Variants in MPPED2 observed in about 807,000 individuals in gnomAD.
MPPED2 encodes metallophosphoesterase MPPED2.
In MPPED2, 5 loss-of-function variants were observed where a neutral mutation model predicts 33.0. That is an observed-to-expected ratio of 0.15 (90% CI 0.08 to 0.32). The LOEUF is 0.32. MPPED2 is among the 10% of genes least tolerant of loss of function. MPPED2 has a pLI of 1.00. For synonymous variants in MPPED2, 136 were observed against 141.9 expected (o/e 0.96, Z 0.29); for missense variants, 275 against 372.1 (o/e 0.74, Z 2.15).
chr11:30,560,038 C>A (rs1956167956), intron 2 of MPPED2, among the ~76,000 whole-genome samples: 1 of 152,178 alleles, frequency 6.6e-6, no homozygotes, highest in Non-Finnish European at 1.5e-5. Context: ...GAACTCATAC[C>A]TTTGCTTTGA....
At chr11:30,446,083 C>T (rs1400594924) in intron 4 of MPPED2, among the ~76,000 whole-genome samples, 2 of 152,220 alleles carry the variant, frequency 1.3e-5, no homozygotes, top group East Asian at 1.9e-4. Flanking sequence ...CAGTATTTCA[C>T]TCACTTGGTT....
chr11:30,447,672 G>A (rs1565076670), intron 4 of MPPED2, among the ~76,000 whole-genome samples: 2 of 152,148 alleles, frequency 1.3e-5, no homozygotes, highest in East Asian at 3.9e-4. Flanking sequence ...AAAGAGAGTG[G>A]CACAGCAAAC....
intron 4 of MPPED2, among the ~76,000 whole-genome samples, chr11:30,448,026 T>G (rs188506427): frequency 1.3e-5 from 2 of 152,080 alleles, no homozygotes; most frequent in Non-Finnish European, 2.9e-5. Context: ...CTCTGAGATG[T>G]TTTCAGAGAG....
At chr11:30,551,066 A>G (rs1387900138) in intron 2 of MPPED2, among the ~76,000 whole-genome samples, 1 of 152,210 alleles carries the variant, frequency 6.6e-6, no homozygotes, top group Non-Finnish European at 1.5e-5. Flanking sequence ...TAAAAAGGGC[A>G]TTGTAATTAT....
At chr11:30,579,553 T>C (rs1244414304) in intron 2 of MPPED2, among the ~76,000 whole-genome samples, 1 of 152,186 alleles carries the variant, frequency 6.6e-6, no homozygotes, top group Non-Finnish European at 1.5e-5. Flanking sequence ...GCAAAATCCT[T>C]GCCTCTGGGT....
At chr11:30,552,465 G>A (rs1955762105) in intron 2 of MPPED2, among the ~76,000 whole-genome samples, 1 of 152,146 alleles carries the variant, frequency 6.6e-6, no homozygotes, top group Admixed American at 6.5e-5. Flanking sequence ...GCCTCCCAGA[G>A]ATAGCTACTA....
Position 30,495,276 on chromosome 11 carries a change from CT to C in MPPED2, c.536+19del. On this transcript the variant is annotated intron_variant, in intron 4 of 6. Coordinates refer to ENST00000358117, the MANE Select transcript of MPPED2 (RefSeq NM_001584.3). ...CTGAGCTAAAAAGCAATGTGGAAAA[CT>C]GTTTGAATCATCACTTACCAAGGTG... 6.4e-7 allele frequency: 1 copy of C among 1,557,008 alleles called. No homozygotes were observed. Among genetic ancestry groups the C allele is most frequent in the Non-Finnish European group, 8.9e-7 (1 of 1,128,280 alleles).
chr11:30,410,403 T>C lies in MPPED2; in HGVS notation c.*1065A>G. On this transcript the variant is annotated 3_prime_UTR_variant, in exon 7 of 7. Coordinates refer to ENST00000358117, the MANE Select transcript of MPPED2 (RefSeq NM_001584.3). ...GACTATTAGCGACAATATTTTGTGC[T>C]AGCGAAGATTGCATCGACACACAGT... 1 of 985,790 alleles carries C rather than the reference T, an allele frequency of 1.0e-6. No individual in the cohort carries two copies. The highest frequency in any genetic ancestry group is 1.2e-6 in the Non-Finnish European group (1 of 829,872). The allele number at this position is 985,790 out of a possible 1,614,324, so 61.1% of individuals were successfully genotyped here.
Position 30,417,560 on chromosome 11 carries a change from G to A in MPPED2, c.610C>T (p.Pro204Ser), listed in dbSNP as rs1171822368. 1 of 1,613,190 alleles carries A rather than the reference G, an allele frequency of 6.2e-7. No homozygotes were observed. Among genetic ancestry groups the A allele is most frequent in the Non-Finnish European group, 8.5e-7 (1 of 1,179,440 alleles). ...QSLLDKWNLI[P>S]EGIDILMTHG... The stretch of plus-strand genomic sequence containing the variant: ...GTCATGAGTATGTCAATGCCCTCAG[G>A]GATGAGGTTCCACTTGTCCAGCAGA... The change falls in exon 5 of 7, where the codon CCT becomes TCT. Residue 204 changes from proline to serine, a missense_variant. Physicochemically the swap from Pro to Ser is moderately conservative, Grantham distance 74. Coordinates refer to ENST00000358117, the MANE Select transcript of MPPED2 (RefSeq NM_001584.3).
chr11:30,554,829 C>A (rs1955890436), intron 2 of MPPED2, among the ~76,000 whole-genome samples: 1 of 152,114 alleles, frequency 6.6e-6, no homozygotes, highest in Non-Finnish European at 1.5e-5. Context: ...AAGATCCCCA[C>A]GTGTGTCTGT....
chr11:30,508,698 C>T (rs561649531), intron 3 of MPPED2, among the ~76,000 whole-genome samples: 1 of 152,172 alleles, frequency 6.6e-6, no homozygotes, highest in Non-Finnish European at 1.5e-5. Context: ...AACACTCACC[C>T]AACTTAACAT....
intron 4 of MPPED2, among the ~76,000 whole-genome samples, chr11:30,482,195 C>G (rs770694931): frequency 2.6e-5 from 4 of 152,096 alleles, no homozygotes; most frequent in Non-Finnish European, 4.4e-5. Flanking sequence ...AAGAGAAAAT[C>G]GCTGTTATAA....
intron 2 of MPPED2, among the ~76,000 whole-genome samples, chr11:30,564,798 G>A (rs146251313): frequency 6.6e-6 from 1 of 152,264 alleles, no homozygotes; most frequent in African/African-American, 2.4e-5. Context: ...ACCAAAATGA[G>A]GGAGAGAGTC....
chr11:30,416,813 G>T (rs1201348460), intron 5 of MPPED2, among the ~76,000 whole-genome samples: 1 of 152,158 alleles, frequency 6.6e-6, no homozygotes, highest in Non-Finnish European at 1.5e-5. Flanking sequence ...CCTTGTTGAA[G>T]GATGTTCTGT....
intron 2 of MPPED2, among the ~76,000 whole-genome samples, chr11:30,565,532 C>T (rs901212956): frequency 3.3e-5 from 5 of 152,158 alleles, no homozygotes; most frequent in African/African-American, 1.2e-4. Context: ...AGCTCCAACC[C>T]TGCACTCAAG....
intron 2 of MPPED2, among the ~76,000 whole-genome samples, chr11:30,547,815 T>C (rs1417637143): frequency 2.8e-5 from 4 of 144,986 alleles, no homozygotes; most frequent in Non-Finnish European, 6.3e-5. Flanking sequence ...TTCTGACAGG[T>C]GTTTGCATAT....
At chr11:30,391,639 C>A (rs932173554) in intron 6 of MPPED2, among the ~76,000 whole-genome samples, 1 of 152,160 alleles carries the variant, frequency 6.6e-6, no homozygotes, top group Non-Finnish European at 1.5e-5. Context: ...TCAATAAGAT[C>A]ATGTCATTTT....
chr11:30,526,624 C>T (rs1340876823), intron 3 of MPPED2, among the ~76,000 whole-genome samples: 1 of 151,680 alleles, frequency 6.6e-6, no homozygotes, highest in African/African-American at 2.4e-5. Flanking sequence ...TTCCTAAAGC[C>T]TTCTACCTGG....
At chr11:30,472,232 A>G (rs537083047) in intron 4 of MPPED2, among the ~76,000 whole-genome samples, 72 of 152,214 alleles carry the variant, frequency 4.7e-4, no homozygotes, top group Admixed American at 1.5e-3. Context: ...GTTGTGGTGC[A>G]TGCTTGTGGT....
Sources: gnomAD v4.1 joint callset for allele counts (sites outside exome capture counted in the v4.1 genomes callset) on GRCh38, gnomAD v4.1.1 for gene constraint, MANE v1.5 for transcripts, NCBI Gene and HGNC (gene_info 2026-07-23, HGNC 2026-07-21) for gene names.